The following ARC variants were observed in gnomAD, a reference collection of about 807,000 sequenced individuals.
ARC encodes the protein activity regulated cytoskeleton associated protein, also known as activity-regulated cytoskeleton-associated protein.
Under a neutral mutation model 20.0 loss-of-function variants are expected in ARC, and 10 were observed. That is an observed-to-expected ratio of 0.50 (90% confidence interval 0.31 to 0.85). The LOEUF is 0.85. Among genes scored for constraint, ARC ranks in the 40% least tolerant of loss-of-function variants. The pLI is 0.05. For synonymous variants in ARC, 269 were observed against 254.1 expected (o/e 1.06, Z -0.56); for missense variants, 454 against 555.5 (o/e 0.82, Z 1.84).
In ARC at chr8:142,613,186, C is replaced by G. The variant is rs751378002; in HGVS notation, c.1086G>C (p.Ala362=). 1 of 1,610,680 alleles carries G rather than the reference C, an allele frequency of 6.2e-7. No homozygotes were observed. Among genetic ancestry groups the G allele is most frequent in the Non-Finnish European group, 8.5e-7 (1 of 1,178,952 alleles). ...GGAGGTGGGGGCCGGCCGGCTCGGC[C>G]GCCTGCTCCAGGTCATCCTGCACCT... ...GMEVQDDLEQ[A]AEPAGPHLPV... is the part of the protein sequence containing the mutation. Residue 362 remains alanine, a synonymous_variant, in exon 1 of 3, where the codon GCG becomes GCC. Coordinates refer to ENST00000356613, the MANE Select transcript of ARC (RefSeq NM_015193.5).
Position 142,613,157 on chromosome 8 carries a change from A to G in ARC, c.1115T>C (p.Val372Ala), listed in dbSNP as rs779675780. 6.8e-6 allele frequency: 11 copies of G among 1,606,862 alleles called. No homozygotes were observed. Among genetic ancestry groups the G allele is most frequent in the Non-Finnish European group, 5.1e-6 (6 of 1,177,560 alleles). ...AAEPAGPHLP[V>A]EDEAETLTPA... The stretch of plus-strand genomic sequence containing the variant: ...CGTGAGGGTCTCCGCCTCATCCTCC[A>G]CCGGGAGGTGGGGGCCGGCCGGCTC... Residue 372 changes from valine to alanine, a missense_variant, in exon 1 of 3, where the codon GTG becomes GCG. Physicochemically the swap from Val to Ala is moderately conservative, Grantham distance 64. Transcript: ENST00000356613.
In ARC at chr8:142,613,117, G is replaced by A. The variant is rs767852123; in HGVS notation, c.1155C>T (p.Ser385=). Residue 385 remains serine, a synonymous_variant, in exon 1 of 3, where the codon AGC becomes AGT. Coordinates refer to ENST00000356613, the MANE Select transcript of ARC (RefSeq NM_015193.5). ...GGGTCCGGTCACTGGCCACGGACTC[G>A]CTGTTGGGGGCGGGCGTGAGGGTCT... ...EAETLTPAPN[S]ESVASDRTQP... 41 of 1,569,628 alleles carry A rather than the reference G, an allele frequency of 2.6e-5. No individual in the cohort carries two copies. Among genetic ancestry groups the A allele is most frequent in the Middle Eastern group, 3.6e-4 (2 of 5,530 alleles).
chr8:142,612,685 A>C lies in ARC; in HGVS notation c.*396T>G. On this transcript the variant is annotated 3_prime_UTR_variant, in exon 1 of 3. Coordinates refer to ENST00000356613, the MANE Select transcript of ARC (RefSeq NM_015193.5). The stretch of plus-strand genomic sequence containing the variant: ...GCTCCCTCAGCATTGGCTCTGCCCT[A>C]GCTTCTGCTCTGGGTGTCCCATGAG... The C allele has an allele frequency of 5.1e-6, 1 of 194,848 alleles. No homozygotes were observed. Among genetic ancestry groups the C allele is most frequent in the Non-Finnish European group, 1.1e-5 (1 of 94,704 alleles). The allele number at this position is 194,848 out of a possible 1,614,324, so 12.1% of individuals were successfully genotyped here.
rs371921712 is a variant in ARC at position 142,613,133 on chromosome 8, G to A, written c.1139C>T (p.Thr380Met). The change falls in exon 1 of 3, where the codon ACG becomes ATG. Residue 380 changes from threonine (T) to methionine (M), a missense_variant. Coordinates refer to ENST00000356613, the MANE Select transcript of ARC (RefSeq NM_015193.5). ...LPVEDEAETL[T>M]PAPNSESVAS... ...CACGGACTCGCTGTTGGGGGCGGGC[G>A]TGAGGGTCTCCGCCTCATCCTCCAC... is the stretch of plus-strand genomic sequence containing the variant. The A allele has an allele frequency of 6.3e-7, 1 of 1,591,662 alleles. No homozygotes were observed.
In ARC at chr8:142,613,097, C is replaced by A; in HGVS notation, c.1175G>T (p.Arg392Leu). The change falls in exon 1 of 3, where the codon CGG becomes CTG. Residue 392 changes from arginine (R) to leucine (L), a missense_variant. Around this residue, in one of 3 missense-constraint regions of ARC, gnomAD observed 72 missense variants for 59.4 expected, o/e 1.21. Transcript: ENST00000356613. ...GGATGCCCTCTACTCGGGCTGGGTC[C>A]GGTCACTGGCCACGGACTCGCTGTT... The part of the protein sequence containing the change: ...APNSESVASD[R>L]TQPE 1.3e-6 allele frequency: 2 copies of A among 1,545,350 alleles called. No homozygotes were observed. The highest frequency in any genetic ancestry group is 1.8e-5 in the Admixed American group (1 of 54,576).
chr8:142,612,897 CTTT>C lies in ARC; in HGVS notation c.*181_*183del. ...GTGGAGCCCTGCAGGGGGGAGGGCTCTTTGCCGCTGGGTGCGGTGCTCACATCT... is the reference window on the plus strand; with the variant it reads ...GTGGAGCCCTGCAGGGGGGAGGGCTCGCCGCTGGGTGCGGTGCTCACATCT... On this transcript the variant is annotated 3_prime_UTR_variant, in exon 1 of 3. Coordinates refer to ENST00000356613, the MANE Select transcript of ARC (RefSeq NM_015193.5). The C allele has an allele frequency of 8.8e-6, 5 of 570,228 alleles. No homozygotes were observed. Among genetic ancestry groups the C allele is most frequent in the South Asian group, 2.6e-5 (1 of 38,972 alleles). The allele number at this position is 570,228 out of a possible 1,614,324, so 35.3% of individuals were successfully genotyped here. A position where few individuals can be genotyped will look rare whatever the true frequency, so the allele number is the denominator to read the frequency against.
At position 142,613,665 on chromosome 8, in the gene ARC, C is replaced by T. The variant is rs372418087; in HGVS notation, c.607G>A (p.Gly203Arg). The T allele has an allele frequency of 1.9e-6, 3 of 1,567,468 alleles. No homozygotes were observed. Among genetic ancestry groups the T allele is most frequent in the East Asian group, 2.3e-5 (1 of 44,234 alleles). ...GTGTCCACGCCGGGGCTGGGCTGCC[C>T]GTCCTCGCCGGGGACCCACGGCTGG... ...QYQPWVPGED[G>R]QPSPGVDTQI... The change falls in exon 1 of 3, where the codon GGG (glycine) becomes AGG (arginine). Residue 203 changes from glycine to arginine, a missense_variant. Around this residue, in one of 3 missense-constraint regions of ARC, gnomAD observed 265 missense variants for 301.7 expected, o/e 0.88. Coordinates refer to ENST00000356613, the MANE Select transcript of ARC (RefSeq NM_015193.5).
In ARC at chr8:142,613,097, C is replaced by T. The variant is rs775336464; in HGVS notation, c.1175G>A (p.Arg392Gln). The change falls in exon 1 of 3, where the codon CGG becomes CAG. Residue 392 changes from arginine to glutamine, a missense_variant. Coordinates refer to ENST00000356613, the MANE Select transcript of ARC (RefSeq NM_015193.5). ...GGATGCCCTCTACTCGGGCTGGGTCCGGTCACTGGCCACGGACTCGCTGTT... is the reference window on the plus strand; with the variant it reads ...GGATGCCCTCTACTCGGGCTGGGTCTGGTCACTGGCCACGGACTCGCTGTT... ...APNSESVASD[R>Q]TQPE is the part of the protein sequence containing the mutation. 39 of 1,545,352 alleles carry T rather than the reference C, an allele frequency of 2.5e-5. 3 individuals are homozygous for T. The South Asian group carries it at 3.2e-4, about 13-fold the overall frequency.
In ARC at chr8:142,614,006, T is replaced by C; in HGVS notation, c.266A>G (p.Lys89Arg). The part of the protein sequence containing the change: ...VPTSDSQRWK[K>R]SIKACLCRCQ... Reference sequence around the variant, plus strand: ...GCGGCACAGGCAGGCCTTGATGGACTTCTTCCAGCGCTGCGAGTCGCTCGT... The same window carrying C: ...GCGGCACAGGCAGGCCTTGATGGACCTCTTCCAGCGCTGCGAGTCGCTCGT... The change falls in exon 1 of 3, where the codon AAG becomes AGG. Residue 89 changes from lysine to arginine, a missense_variant. Around this residue, in one of 3 missense-constraint regions of ARC, gnomAD observed 265 missense variants for 301.7 expected, o/e 0.88. Transcript: ENST00000356613. 6.2e-7 allele frequency: 1 copy of C among 1,609,186 alleles called. No individual in the cohort carries two copies. The highest frequency in any genetic ancestry group is 8.5e-7 in the Non-Finnish European group (1 of 1,179,456).
At position 142,613,728 on chromosome 8, in the gene ARC, C is replaced by A; in HGVS notation, c.544G>T (p.Glu182Ter). Residue 182 changes from glutamate (E) to a stop codon, truncating the protein, a stop_gained, in exon 1 of 3, where the codon GAG becomes TAG. Transcript: ENST00000356613. LOFTEE classifies it high-confidence loss of function. ...YAITPPPAAG[E>*]LPGQEPAEAQ... ...TCGGCGGGCTCCTGCCCGGGCAGCT[C>A]GCCAGCGGCTGGGGGCGGGGTGATG... 1 of 1,551,238 alleles carries A rather than the reference C, an allele frequency of 6.4e-7. No homozygotes were observed.
Position 142,613,605 on chromosome 8 carries a change from G to A in ARC, c.667C>T (p.His223Tyr), listed in dbSNP as rs1370501987. 6.3e-7 allele frequency: 1 copy of A among 1,588,886 alleles called. No individual in the cohort carries two copies. The highest frequency in any genetic ancestry group is 2.3e-5 in the East Asian group (1 of 44,398). The stretch of plus-strand genomic sequence containing the variant: ...ACCTGCCGCAAGTACTCCTCTAGGT[G>A]GCTCAGGAACTCTCGAGGGTCCTCG... ...IFEDPREFLS[H>Y]LEEYLRQVGG... The change falls in exon 1 of 3, where the codon CAC becomes TAC. Residue 223 changes from histidine (H) to tyrosine (Y), a missense_variant. Transcript: ENST00000356613.
rs1305047419 is a variant in ARC at position 142,613,842 on chromosome 8, C to A, written c.430G>T (p.Ala144Ser). The A allele has an allele frequency of 2.6e-6, 4 of 1,539,320 alleles. No individual in the cohort carries two copies. The African/African-American group carries it at 5.5e-5, about 21-fold the overall frequency. The change falls in exon 1 of 3, where the codon GCC becomes TCC. Residue 144 changes from alanine (A) to serine (S), a missense_variant. Transcript: ENST00000356613. ...ACGCCCACGGAAACGGTGTGGCGGG[C>A]TGACTCGCTGCCCACCGGGTACTTG... The part of the protein sequence containing the change: ...GGKYPVGSES[A>S]RHTVSVGVGG...
In ARC at chr8:142,613,309, G is replaced by A; in HGVS notation, c.963C>T (p.Ile321=). 1.9e-6 allele frequency: 3 copies of A among 1,613,684 alleles called. No homozygotes were observed. Among genetic ancestry groups the A allele is most frequent in the Non-Finnish European group, 1.7e-6 (2 of 1,179,992 alleles). ...TLYVDADEEE[I]IQYVVGTLQP... ...GCAGGGTGCCCACCACGTACTGGAT[G>A]ATCTCCTCCTCGTCCGCGTCCACGT... The change falls in exon 1 of 3, where the codon ATC becomes ATT. Residue 321 remains isoleucine, a synonymous_variant. Coordinates refer to ENST00000356613, the MANE Select transcript of ARC (RefSeq NM_015193.5).
chr8:142,613,919 T>G lies in ARC; in HGVS notation c.353A>C (p.Glu118Ala). 6.3e-7 allele frequency: 1 copy of G among 1,598,502 alleles called. No homozygotes were observed. The highest frequency in any genetic ancestry group is 8.5e-7 in the Non-Finnish European group (1 of 1,174,956). ...WVKREMHVWREVFYRLERWAD... is the reference protein window; with the variant it reads ...WVKREMHVWRAVFYRLERWAD... Reference sequence around the variant, plus strand: ...CCAGCGCTCCAGGCGGTAGAACACCTCGCGCCACACGTGCATCTCGCGCTT... The same window carrying G: ...CCAGCGCTCCAGGCGGTAGAACACCGCGCGCCACACGTGCATCTCGCGCTT... Residue 118 changes from glutamate (E) to alanine (A), a missense_variant, in exon 1 of 3, where the codon GAG becomes GCG. Glu to Ala is a moderately radical substitution (Grantham distance 107, BLOSUM62 -1). Around this residue, in one of 3 missense-constraint regions of ARC, gnomAD observed 265 missense variants for 301.7 expected, o/e 0.88. Transcript: ENST00000356613.
rs1262375538 is a variant in ARC at position 142,613,734 on chromosome 8, C to T, written c.538G>A (p.Ala180Thr). Residue 180 changes from alanine to threonine, a missense_variant, in exon 1 of 3, where the codon GCT becomes ACT. Around this residue, in one of 3 missense-constraint regions of ARC, gnomAD observed 265 missense variants for 301.7 expected, o/e 0.88. Transcript: ENST00000356613. ...GGCTCCTGCCCGGGCAGCTCGCCAG[C>T]GGCTGGGGGCGGGGTGATGGCGTAG... is the stretch of plus-strand genomic sequence containing the variant. ...SPYAITPPPA[A>T]GELPGQEPAE... 5 of 1,547,372 alleles carry T rather than the reference C, an allele frequency of 3.2e-6. No homozygotes were observed. The highest frequency in any genetic ancestry group is 2.4e-5 in the East Asian group (1 of 41,946).
Position 142,614,372 on chromosome 8 carries a change from G to GAGCGCCTGTCTGTCGCTGCGGGC in ARC, c.-124_-102dup, listed in dbSNP as rs1846288885. ...CCTGGGTCCCGTGCGGAGCTGCGGGGAGCGCCTGTCTGTCGCTGCGGGCCG... is the reference window on the plus strand; with the variant it reads ...CCTGGGTCCCGTGCGGAGCTGCGGGGAGCGCCTGTCTGTCGCTGCGGGCAGCGCCTGTCTGTCGCTGCGGGCCG... On this transcript the variant is annotated 5_prime_UTR_variant, in exon 1 of 3. Coordinates refer to ENST00000356613, the MANE Select transcript of ARC (RefSeq NM_015193.5). 9.4e-7 allele frequency: 1 copy of GAGCGCCTGTCTGTCGCTGCGGGC among 1,064,000 alleles called. No individual in the cohort carries two copies. The highest frequency in any genetic ancestry group is 1.2e-6 in the Non-Finnish European group (1 of 830,518). 65.9% of individuals were successfully genotyped at this position (1,064,000 alleles called of 1,614,324 possible). A position where few individuals can be genotyped will look rare whatever the true frequency, so the allele number is the denominator to read the frequency against.
chr8:142,613,074 A>C lies in ARC; in HGVS notation c.*7T>G, dbSNP rs1846270437. The C allele has an allele frequency of 2.0e-6, 3 of 1,501,362 alleles. No individual in the cohort carries two copies. The highest frequency in any genetic ancestry group is 2.7e-6 in the Non-Finnish European group (3 of 1,126,854). 93.0% of individuals were successfully genotyped at this position (1,501,362 alleles called of 1,614,324 possible). ...TAGTGGGCAGGCTGGGGGCTCCGGG[A>C]TGCCCTCTACTCGGGCTGGGTCCGG... On this transcript the variant is annotated 3_prime_UTR_variant, in exon 1 of 3. Coordinates refer to ENST00000356613, the MANE Select transcript of ARC (RefSeq NM_015193.5).
At position 142,613,723 on chromosome 8, in the gene ARC, C is replaced by T; in HGVS notation, c.549G>A (p.Leu183=). 6.4e-7 allele frequency: 1 copy of T among 1,552,260 alleles called. No individual in the cohort carries two copies. The highest frequency in any genetic ancestry group is 8.7e-7 in the Non-Finnish European group (1 of 1,152,896). The stretch of plus-strand genomic sequence containing the variant: ...GGGCCTCGGCGGGCTCCTGCCCGGG[C>T]AGCTCGCCAGCGGCTGGGGGCGGGG... ...AITPPPAAGE[L]PGQEPAEAQQ... Residue 183 remains leucine (L), a synonymous_variant, in exon 1 of 3, where the codon CTG becomes CTA. Coordinates refer to ENST00000356613, the MANE Select transcript of ARC (RefSeq NM_015193.5).
At position 142,611,730 on chromosome 8, in the gene ARC, C is replaced by A. The variant is rs2132354699; in HGVS notation, c.*870G>T. 1 of 152,484 alleles carries A rather than the reference C, an allele frequency of 6.6e-6. No homozygotes were observed. Among genetic ancestry groups the A allele is most frequent in the Non-Finnish European group, 1.5e-5 (1 of 68,134 alleles). The allele number at this position is 152,484 out of a possible 1,614,324, so 9.4% of individuals were successfully genotyped here. A position where few individuals can be genotyped will look rare whatever the true frequency, so the allele number is the denominator to read the frequency against. On this transcript the variant is annotated 3_prime_UTR_variant, in exon 3 of 3. Transcript: ENST00000356613. ...AAGCTGGGGCTCCTGCCCTCTGCTG[C>A]AGCCGACTCCTCTCTGTAGCCCCCC... is the stretch of plus-strand genomic sequence containing the variant.
Sources: allele counts gnomAD v4.1 joint callset, GRCh38; gene constraint gnomAD v4.1.1; regional missense constraint gnomAD v4.1.1; transcripts MANE v1.5; gene names NCBI Gene and HGNC (gene_info 2026-07-23, HGNC 2026-07-21).